Variants in ZFHX4 observed in about 807,000 individuals in gnomAD.
ZFHX4 encodes the protein zinc finger homeobox protein 4.
Under a neutral mutation model 267.6 loss-of-function variants are expected in ZFHX4, and 56 were observed. The observed-to-expected ratio is 0.21, with a 90% CI of 0.17 to 0.26. The LOEUF (loss-of-function observed/expected upper bound fraction) is 0.26. ZFHX4 is among the 10% of genes least tolerant of loss of function. The pLI, the probability that ZFHX4 is intolerant of heterozygous loss-of-function variation, is 1.00. For synonymous variants in ZFHX4, 1,778 were observed against 1,665.6 expected, an observed-to-expected ratio of 1.07 and a Z score of -1.64; for missense variants, 4,332 against 4,420.0, an observed-to-expected ratio of 0.98 and a Z score of 0.56.
intron 5 of ZFHX4, among the ~76,000 whole-genome samples, chr8:76,840,106 C>T (rs1812196195): frequency 6.6e-6 from 1 of 152,180 alleles, no homozygotes; most frequent in Admixed American, 6.5e-5. Context: ...TAATAAACAG[C>T]TTTCCCCTTC....
rs1257792621 is a variant in ZFHX4 at position 76,775,470 on chromosome 8, A to C, written c.3094-2738A>C. ...TGTGCCAAAAAAGCTTTCTTCTGAC[A>C]ACTCCAACTTAATTAAAACTTAAGA... On this transcript the variant is annotated intron_variant, in intron 3 of 10. Coordinates refer to ENST00000651372, the MANE Select transcript of ZFHX4 (RefSeq NM_024721.5). 2.6e-5 allele frequency among the ~76,000 whole-genome samples: 4 copies of C among 152,206 alleles called. No homozygotes were observed. The East Asian group carries it at 7.7e-4, about 29-fold the overall frequency.
rs1361747035 is a variant in ZFHX4 at position 76,865,667 on chromosome 8, T to C, written c.*1102T>C. ...AAGTTGAACAAAAATTATGAAAAGG[T>C]ATATTTGCTTCTCGGGAAAGCAAAG... On this transcript the variant is annotated 3_prime_UTR_variant, in exon 11 of 11. Coordinates refer to ENST00000651372, the MANE Select transcript of ZFHX4 (RefSeq NM_024721.5). 1 of 152,538 alleles carries C rather than the reference T, an allele frequency of 6.6e-6. No individual in the cohort carries two copies. Among genetic ancestry groups the C allele is most frequent in the Non-Finnish European group, 1.5e-5 (1 of 68,022 alleles). The allele number at this position is 152,538 out of a possible 1,614,324, so 9.4% of individuals were successfully genotyped here. A position where few individuals can be genotyped will look rare whatever the true frequency, so the allele number is the denominator to read the frequency against.
chr8:76,707,694 C>T lies in ZFHX4; in HGVS notation c.2739C>T (p.Thr913=). ...LFQCAVCNKF[T]SDSLEALSVH... is the part of the protein sequence containing the mutation. ...AGTGTGCTGTTTGCAACAAATTCAC[C>T]TCTGACAGCCTGGAGGCCCTAAGTG... Residue 913 remains threonine (T), a synonymous_variant, in exon 3 of 11, where the codon ACC becomes ACT. Transcript: ENST00000651372. 6.2e-7 allele frequency: 1 copy of T among 1,613,802 alleles called. No homozygotes were observed. Among genetic ancestry groups the T allele is most frequent in the Non-Finnish European group, 8.5e-7 (1 of 1,179,880 alleles).
chr8:76,809,409 T>C (rs1046883194), intron 4 of ZFHX4, among the ~76,000 whole-genome samples: 3 of 152,168 alleles, frequency 2.0e-5, no homozygotes, highest in Non-Finnish European at 4.4e-5. Context: ...CATAGCCATG[T>C]TTTCTTTTTT....
At chr8:76,811,611 A>G (rs1811380571) in intron 4 of ZFHX4, among the ~76,000 whole-genome samples, 2 of 152,214 alleles carry the variant, frequency 1.3e-5, no homozygotes, top group Admixed American at 1.3e-4. Context: ...CCTTCTGTAC[A>G]TAAATAATAA....
Position 76,852,989 on chromosome 8 carries a change from G to A in ZFHX4, c.6068G>A (p.Gly2023Asp), listed in dbSNP as rs1491000604. 6.5e-7 allele frequency: 1 copy of A among 1,544,000 alleles called. No individual in the cohort carries two copies. The highest frequency in any genetic ancestry group is 1.4e-5 in the African/African-American group (1 of 72,130). ...GCTCCTCCACAGCCTTCTTCTATGG[G>A]TCCTGTAAAGATCCCCAACACGGTT... ...PPAPPQPSSM[G>D]PVKIPNTVST... Residue 2023 changes from glycine (G) to aspartate (D), a missense_variant, in exon 10 of 11, where the codon GGT (glycine) becomes GAT (aspartate). By Grantham distance (94) the Gly-to-Asp change is moderately conservative. Transcript: ENST00000651372.
At chr8:76,755,649 C>T (rs1259165036) in intron 3 of ZFHX4, among the ~76,000 whole-genome samples, 1 of 152,082 alleles carries the variant, frequency 6.6e-6, no homozygotes, top group Non-Finnish European at 1.5e-5. Flanking sequence ...TTAGTAACAC[C>T]AACAATTACA....
At chr8:76,753,457 G>A (rs897208100) in intron 3 of ZFHX4, among the ~76,000 whole-genome samples, 2 of 151,752 alleles carry the variant, frequency 1.3e-5, no homozygotes, top group African/African-American at 4.8e-5. Flanking sequence ...AAACAAATTA[G>A]CCAAAAGAAA....
At chr8:76,742,287 T>G (rs959382371) in intron 3 of ZFHX4, among the ~76,000 whole-genome samples, 1 of 152,172 alleles carries the variant, frequency 6.6e-6, no homozygotes, top group Non-Finnish European at 1.5e-5. Context: ...TATACTGCAC[T>G]TCTATTTTTT....
chr8:76,724,234 G>T (rs1217130722), intron 3 of ZFHX4, among the ~76,000 whole-genome samples: 2 of 152,034 alleles, frequency 1.3e-5, no homozygotes, highest in East Asian at 3.9e-4. Context: ...TTTGAAGGTT[G>T]CTTGTAGATC....
chr8:76,740,021 T>A (rs906093898), intron 3 of ZFHX4, among the ~76,000 whole-genome samples: 1 of 152,152 alleles, frequency 6.6e-6, no homozygotes, highest in South Asian at 2.1e-4. Flanking sequence ...GAAAATAAGG[T>A]AGACCTCAAA....
chr8:76,746,264 G>C (rs933260217), intron 3 of ZFHX4, among the ~76,000 whole-genome samples: 5 of 152,116 alleles, frequency 3.3e-5, no homozygotes, highest in Non-Finnish European at 7.4e-5. Flanking sequence ...AAAATTAGCT[G>C]GGTATGGTTG....
chr8:76,696,744 A>T (rs12680735), intron 1 of ZFHX4, among the ~76,000 whole-genome samples: 1 of 151,834 alleles, frequency 6.6e-6, no homozygotes, highest in East Asian at 1.9e-4. Context: ...CCAATATTTC[A>T]TCTAGAAGAA....
At chr8:76,771,632 T>G (rs7822817) in intron 3 of ZFHX4, among the ~76,000 whole-genome samples, 45,853 of 151,832 alleles carry the variant, frequency 0.3, 10,047 homozygotes, top group African/African-American at 0.62. Flanking sequence ...AAGAGATGGG[T>G]TCTCACTTTC....
At position 76,795,640 on chromosome 8, in the gene ZFHX4, A is replaced by G. The variant is rs933784183; in HGVS notation, c.3325+17201A>G. On this transcript the variant is annotated intron_variant, in intron 4 of 10. Transcript: ENST00000651372. Reference sequence around the variant, plus strand: ...CAGCTCACCGCAACCTCTGCCTCCCAGGTTCAAGCAATTCTCCTGCCTCAG... The same window carrying G: ...CAGCTCACCGCAACCTCTGCCTCCCGGGTTCAAGCAATTCTCCTGCCTCAG... Among the ~76,000 whole-genome samples, 6 of 143,740 alleles carry G rather than the reference A, an allele frequency of 4.2e-5. No individual in the cohort carries two copies. In the East Asian group the frequency reaches 1.3e-3, roughly 30 times the overall value. The allele number at this position is 143,740 out of a possible 152,430, so 94.3% of individuals were successfully genotyped here.
chr8:76,842,931 G>A (rs1336710317), intron 6 of ZFHX4, among the ~76,000 whole-genome samples, 160 bp downstream of exon 6: 1 of 151,812 alleles, frequency 6.6e-6, no homozygotes, highest in African/African-American at 2.4e-5. Flanking sequence ...TGTGCATTTT[G>A]CATGTGATTT....
At chr8:76,790,389 T>G (rs1810802987) in intron 4 of ZFHX4, among the ~76,000 whole-genome samples, 1 of 152,142 alleles carries the variant, frequency 6.6e-6, no homozygotes, top group Non-Finnish European at 1.5e-5. Context: ...GTGGTTTTTA[T>G]TCAACATGAC....
chr8:76,791,954 A>G (rs1563524700), intron 4 of ZFHX4, among the ~76,000 whole-genome samples: 1 of 152,202 alleles, frequency 6.6e-6, no homozygotes, highest in Non-Finnish European at 1.5e-5. Context: ...TCTTAACTAT[A>G]CAACCATGAA....
At position 76,717,872 on chromosome 8, in the gene ZFHX4, C is replaced by T. The variant is rs376865109; in HGVS notation, c.3093+9824C>T. Among the ~76,000 whole-genome samples, 53 of 152,328 alleles carry T rather than the reference C, an allele frequency of 3.5e-4. No homozygotes were observed. In the East Asian group the frequency reaches 5.4e-3, roughly 16 times the overall value. On this transcript the variant is annotated intron_variant, in intron 3 of 10. Coordinates refer to ENST00000651372, the MANE Select transcript of ZFHX4 (RefSeq NM_024721.5). ...TCAGCCTCCCACAGTGCTGGGATTA[C>T]AGGCATGAGCCACTGCATCCAGCCT...
Sources: gnomAD v4.1 joint callset for allele counts (sites outside exome capture counted in the v4.1 genomes callset) on GRCh38, gnomAD v4.1.1 for gene constraint, MANE v1.5 for transcripts, NCBI Gene and HGNC (gene_info 2026-07-23, HGNC 2026-07-21) for gene names.